The following PRKG1 variants were observed in gnomAD, a reference collection of about 807,000 sequenced individuals.
PRKG1 encodes protein kinase cGMP-dependent 1.
Under a neutral mutation model 88.1 loss-of-function variants are expected in PRKG1, and 35 were observed. The observed-to-expected ratio is 0.40, with a 90% CI of 0.30 to 0.53. The LOEUF (loss-of-function observed/expected upper bound fraction) is 0.53. PRKG1 is among the 20% of genes least tolerant of loss of function. PRKG1 has a pLI of 0.59. For synonymous variants in PRKG1, 303 were observed against 292.5 expected (o/e 1.04, Z -0.37); for missense variants, 540 against 839.8 (o/e 0.64, Z 4.41).
At chr10:51,624,749 A>G (rs1589139555) in intron 3 of PRKG1, among the ~76,000 whole-genome samples, 1 of 152,258 alleles carries the variant, frequency 6.6e-6, no homozygotes, top group East Asian at 1.9e-4. Flanking sequence ...CATTCTCACA[A>G]CAGACTGTTA....
rs1180025873 is a variant in PRKG1, at chr10:51,211,659, T to C, written c.478+58329T>C. Reference sequence around the variant, plus strand: ...CAATGTACAAAAATCACAAGCATTCTTATACACCAATAACAGACAAACAGA... The same window carrying C: ...CAATGTACAAAAATCACAAGCATTCCTATACACCAATAACAGACAAACAGA... On this transcript the variant is annotated intron_variant, in intron 2 of 17. Coordinates refer to ENST00000373980, the MANE Select transcript of PRKG1 (RefSeq NM_006258.4). Among the ~76,000 whole-genome samples the C allele has an allele frequency of 8.5e-5, 13 of 152,248 alleles. No homozygotes were observed. In the East Asian group the frequency reaches 2.3e-3, roughly 27 times the overall value.
At chr10:52,268,836 C>G (rs940865476) in intron 10 of PRKG1, among the ~76,000 whole-genome samples, 4 of 151,996 alleles carry the variant, frequency 2.6e-5, no homozygotes, top group African/African-American at 9.7e-5. Flanking sequence ...TGGGTACAAG[C>G]AGAGTCCATC....
chr10:51,694,052 T>A (rs1161885482), intron 3 of PRKG1, among the ~76,000 whole-genome samples: 1 of 152,164 alleles, frequency 6.6e-6, no homozygotes, highest in Non-Finnish European at 1.5e-5. Flanking sequence ...ATGAATTAGT[T>A]CTTAACCAGA....
At chr10:51,505,247 G>C (rs1219034605) in intron 3 of PRKG1, among the ~76,000 whole-genome samples, 1 of 152,048 alleles carries the variant, frequency 6.6e-6, no homozygotes, top group Non-Finnish European at 1.5e-5. Context: ...TTTTGTCGTT[G>C]GTTCTGTTTA....
chr10:51,020,208 C>T (rs1297360394), intron 1 of PRKG1, among the ~76,000 whole-genome samples: 2 of 152,006 alleles, frequency 1.3e-5, no homozygotes, highest in East Asian at 3.9e-4. Context: ...TGCCATGTTG[C>T]CGAGGCTAAT....
chr10:51,622,097 A>G (rs1839224893), intron 3 of PRKG1, among the ~76,000 whole-genome samples: 1 of 152,230 alleles, frequency 6.6e-6, no homozygotes, highest in African/African-American at 2.4e-5. Flanking sequence ...TTCAAAGTGT[A>G]AATCAATACT....
intron 1 of PRKG1, among the ~76,000 whole-genome samples, chr10:51,133,437 A>G (rs1420609931): frequency 3.9e-5 from 6 of 152,332 alleles, no homozygotes; most frequent in Non-Finnish European, 7.3e-5. Flanking sequence ...TTGTAGTGCA[A>G]TCCCAGAGAT....
intron 1 of PRKG1, among the ~76,000 whole-genome samples, chr10:51,091,598 AT>A (rs1383669446): frequency 2.6e-5 from 4 of 152,132 alleles, no homozygotes; most frequent in Admixed American, 6.5e-5. Context: ...ACTAAATCTC[AT>A]TACTGTGAGA....
chr10:51,619,956 TC>T (rs1839164157), intron 3 of PRKG1, among the ~76,000 whole-genome samples: 1 of 152,170 alleles, frequency 6.6e-6, no homozygotes, highest in Non-Finnish European at 1.5e-5. Flanking sequence ...TTTGGAGTTT[TC>T]TTTTAGGCTG....
At chr10:51,221,363 C>A (rs1479286011) in intron 2 of PRKG1, among the ~76,000 whole-genome samples, 1 of 151,766 alleles carries the variant, frequency 6.6e-6, no homozygotes, top group East Asian at 1.9e-4. Flanking sequence ...ATTATGTCAG[C>A]CATCTAGATC....
At chr10:51,740,898 A>G (rs1234941912) in intron 3 of PRKG1, among the ~76,000 whole-genome samples, 2 of 151,424 alleles carry the variant, frequency 1.3e-5, no homozygotes, top group African/African-American at 4.9e-5. Flanking sequence ...GCCAACCTGC[A>G]TTGATTGCCC....
At chr10:51,306,676 T>C (rs72803185) in intron 2 of PRKG1, 30,232 of 152,134 alleles carry the variant, frequency 0.2, 3,735 homozygotes, top group East Asian at 0.41. Context: ...AAAGGAGACT[T>C]AGTCTCATCG....
chr10:51,580,787 T>A (rs571746278), intron 3 of PRKG1, among the ~76,000 whole-genome samples: 1 of 152,152 alleles, frequency 6.6e-6, no homozygotes, highest in Non-Finnish European at 1.5e-5. Context: ...TTCATGTCTT[T>A]AGCTTTTTTA....
At position 51,961,015 on chromosome 10, in the gene PRKG1, C is replaced by T. The variant is rs888345465; in HGVS notation, c.762+53445C>T. ...GCCAGTCTTCATGTTATCACACAGG[C>T]TATTAAGTGCCAAAAAAGGCATTAG... is the stretch of plus-strand genomic sequence containing the variant. On this transcript the variant is annotated intron_variant, in intron 5 of 17. Transcript: ENST00000373980. Among the ~76,000 whole-genome samples the T allele has an allele frequency of 3.9e-5, 6 of 152,166 alleles. No individual in the cohort carries two copies. The East Asian group carries it at 7.7e-4, about 20-fold the overall frequency.
At chr10:51,680,286 A>AT (rs1840818913) in intron 3 of PRKG1, among the ~76,000 whole-genome samples, 1 of 145,986 alleles carries the variant, frequency 6.8e-6, no homozygotes, top group African/African-American at 2.5e-5. Flanking sequence ...TTAAAGTATA[A>AT]TAAAAAAAAA....
chr10:51,109,427 C>G (rs564656978), intron 1 of PRKG1, among the ~76,000 whole-genome samples: 92 of 152,080 alleles, frequency 6.0e-4, no homozygotes, highest in African/African-American at 2.1e-3. Context: ...AACTGCCCCC[C>G]CAACACATAT....
chr10:51,169,128 C>T (rs1219308287), intron 2 of PRKG1, among the ~76,000 whole-genome samples: 1 of 152,142 alleles, frequency 6.6e-6, no homozygotes, highest in African/African-American at 2.4e-5. Flanking sequence ...TGGTTTTATA[C>T]TGTGCTTATT....
intron 5 of PRKG1, among the ~76,000 whole-genome samples, chr10:52,010,771 A>T (rs1451088385): frequency 6.6e-6 from 1 of 152,194 alleles, no homozygotes; most frequent in East Asian, 1.9e-4. Flanking sequence ...GCCTCCCATT[A>T]TCTGTTAAGA....
chr10:51,160,875 C>CATGTGTGT (rs1554841704), intron 2 of PRKG1, among the ~76,000 whole-genome samples: 4 of 149,970 alleles, frequency 2.7e-5, no homozygotes, highest in Admixed American at 1.3e-4. Flanking sequence ...TCTTCATGCT[C>CATGTGTGT]GTGTGTGTGT....
Sources: gnomAD v4.1 joint callset for allele counts (sites outside exome capture counted in the v4.1 genomes callset) on GRCh38, gnomAD v4.1.1 for gene constraint, MANE v1.5 for transcripts, NCBI Gene and HGNC (gene_info 2026-07-23, HGNC 2026-07-21) for gene names.